Variants in RYR3 observed in about 807,000 individuals in gnomAD.
RYR3 encodes the protein brain ryanodine receptor-calcium release channel.
Under a neutral mutation model 584.3 loss-of-function variants are expected in RYR3, and 207 were observed. The ratio of observed to expected loss-of-function variants is 0.35; its 90% CI spans 0.32 to 0.40. The LOEUF is 0.40. Ranked by LOEUF, RYR3 falls within the 10% of genes least tolerant of loss-of-function variation. RYR3 has a pLI of 1.00. For missense variants in RYR3, 5,616 were observed against 6,089.2 expected (o/e 0.92, Z 2.59); for synonymous variants, 2,416 against 2,248.5 (o/e 1.07, Z -2.11).
chr15:33,406,060 C>T (rs977202290), intron 1 of RYR3, among the ~76,000 whole-genome samples: 1 of 152,164 alleles, frequency 6.6e-6, no homozygotes, highest in Non-Finnish European at 1.5e-5. Flanking sequence ...CCCAGGAGGA[C>T]ATGTTATTCT....
chr15:33,556,315 T>C (rs1176283165), intron 10 of RYR3, among the ~76,000 whole-genome samples: 1 of 152,202 alleles, frequency 6.6e-6, no homozygotes, highest in Non-Finnish European at 1.5e-5. Context: ...TCTCCAGCCA[T>C]GTTTCTTTTC....
In RYR3 at chr15:33,838,475, C is replaced by T; in HGVS notation, c.12495C>T (p.Leu4165=). 1 of 1,614,008 alleles carries T rather than the reference C, an allele frequency of 6.2e-7. No individual in the cohort carries two copies. Among genetic ancestry groups the T allele is most frequent in the Non-Finnish European group, 8.5e-7 (1 of 1,179,896 alleles). ...TGAAGAGAGCAACCCTGAAGAACCT[C>T]AGGAAGCAGTACAGGAACGTGAAAA... ...DFLKRATLKN[L]RKQYRNVKKM... is the part of the protein sequence containing the mutation. The change falls in exon 89 of 104, where the codon CTC becomes CTT. Residue 4165 remains leucine, a synonymous_variant. Transcript: ENST00000634891.
chr15:33,486,194 A>G (rs993701307), intron 2 of RYR3, among the ~76,000 whole-genome samples: 1 of 152,178 alleles, frequency 6.6e-6, no homozygotes, highest in African/African-American at 2.4e-5. Flanking sequence ...CACAATCTAG[A>G]TGGCTGAAAA....
At chr15:33,863,352 G>A (rs1477899175) in intron 102 of RYR3, among the ~76,000 whole-genome samples, 2 of 152,154 alleles carry the variant, frequency 1.3e-5, no homozygotes, top group East Asian at 1.9e-4. Context: ...AGCTGCTACT[G>A]TGGGCCAGGA....
Position 33,699,770 on chromosome 15 carries a change from C to A in RYR3, c.6316C>A (p.Gln2106Lys), listed in dbSNP as rs373719765. 1.4e-5 allele frequency: 22 copies of A among 1,613,790 alleles called. No individual in the cohort carries two copies. The highest frequency in any genetic ancestry group is 1.8e-5 in the Non-Finnish European group (21 of 1,179,804). The change falls in exon 41 of 104, where the codon CAA (glutamine) becomes AAA (lysine). Residue 2106 changes from glutamine (Q) to lysine (K), a missense_variant. Coordinates refer to ENST00000634891, the MANE Select transcript of RYR3 (RefSeq NM_001036.6). ...FLCYFCRISR[Q>K]NQKAMFEHLS... ...TTGCTATTTCTGTCGAATTAGCCGG[C>A]AAAATCAGAAGGCCATGTTTGAGCA...
At chr15:33,660,091 A>G in intron 33 of RYR3, 106 bp from the exon 34 acceptor site, 1 of 733,142 alleles carries the variant, frequency 1.4e-6, no homozygotes, top group Non-Finnish European at 2.3e-6. Context: ...ATCCCTGGAT[A>G]CATTTGTCCC....
chr15:33,521,175 T>G (rs2140964701), intron 3 of RYR3, among the ~76,000 whole-genome samples: 1 of 152,016 alleles, frequency 6.6e-6, no homozygotes, highest in Non-Finnish European at 1.5e-5. Context: ...CTCCAACCCA[T>G]CTGAGCCATC....
intron 12 of RYR3, among the ~76,000 whole-genome samples, chr15:33,578,407 C>T (rs1037635818): frequency 1.3e-5 from 2 of 152,138 alleles, no homozygotes; most frequent in Admixed American, 6.6e-5. Flanking sequence ...AACATATACA[C>T]CATGGAATAC....
chr15:33,369,181 C>T (rs1472533863), intron 1 of RYR3, among the ~76,000 whole-genome samples: 1 of 152,194 alleles, frequency 6.6e-6, no homozygotes, highest in African/African-American at 2.4e-5. Flanking sequence ...CCAAAGGCCA[C>T]ACACCTAGAA....
At chr15:33,609,432 G>A (rs1023054803) in intron 18 of RYR3, among the ~76,000 whole-genome samples, 1 of 152,156 alleles carries the variant, frequency 6.6e-6, no homozygotes, top group Non-Finnish European at 1.5e-5. Flanking sequence ...GAGGTGGGAG[G>A]ATCAGTTGAA....
chr15:33,645,712 C>T (rs2062064886), intron 28 of RYR3, among the ~76,000 whole-genome samples: 1 of 152,158 alleles, frequency 6.6e-6, no homozygotes, highest in Admixed American at 6.5e-5. Context: ...CTTGTATCCC[C>T]CCATTTCCCT....
chr15:33,368,261 C>T (rs1296006339), intron 1 of RYR3, among the ~76,000 whole-genome samples: 8 of 151,076 alleles, frequency 5.3e-5, no homozygotes, highest in African/African-American at 1.2e-4. Flanking sequence ...TATATAACAT[C>T]GGAGTAGATT....
intron 1 of RYR3, among the ~76,000 whole-genome samples, chr15:33,354,539 C>T (rs1973701902): frequency 6.6e-6 from 1 of 152,220 alleles, no homozygotes; most frequent in African/African-American, 2.4e-5. Context: ...AGTATCACTT[C>T]ATAATGCAGC....
intron 67 of RYR3, among the ~76,000 whole-genome samples, chr15:33,796,215 A>G (rs531856680): frequency 6.6e-5 from 10 of 152,060 alleles, no homozygotes; most frequent in African/African-American, 2.4e-4. Context: ...GCTCACTGCA[A>G]CCTACACCTC....
chr15:33,418,743 TTACACACTGGGGGTAGAGA>T (rs2044010853), intron 1 of RYR3, among the ~76,000 whole-genome samples: 1 of 152,004 alleles, frequency 6.6e-6, no homozygotes, highest in Non-Finnish European at 1.5e-5. Flanking sequence ...AGCCCTAACT[TTACACACTGGGGGTAGAGA>T]TAAAGCCAAG....
At chr15:33,461,880 G>A (rs2048066337) in intron 1 of RYR3, among the ~76,000 whole-genome samples, 1 of 152,118 alleles carries the variant, frequency 6.6e-6, no homozygotes, top group Non-Finnish European at 1.5e-5. Context: ...TTATCCACCT[G>A]GAATGTGACC....
chr15:33,551,392 C>A (rs896202431), intron 10 of RYR3, among the ~76,000 whole-genome samples: 3 of 152,276 alleles, frequency 2.0e-5, no homozygotes, highest in East Asian at 1.9e-4. Context: ...AGGTGTGAGG[C>A]TGACAGCTGA....
chr15:33,364,619 T>G (rs1279863179), intron 1 of RYR3, among the ~76,000 whole-genome samples: 1 of 152,178 alleles, frequency 6.6e-6, no homozygotes, highest in Admixed American at 6.5e-5. Context: ...TACCAGACAA[T>G]GCATTGTCAG....
At chr15:33,701,476 C>A (rs901083030) in intron 42 of RYR3, among the ~76,000 whole-genome samples, 10 of 152,136 alleles carry the variant, frequency 6.6e-5, no homozygotes, top group African/African-American at 2.4e-4. Context: ...GTAACTGAGA[C>A]AAACTGAGCT....
Sources: gnomAD v4.1 joint callset for allele counts (sites outside exome capture counted in the v4.1 genomes callset) on GRCh38, gnomAD v4.1.1 for gene constraint, MANE v1.5 for transcripts, NCBI Gene and HGNC (gene_info 2026-07-23, HGNC 2026-07-21) for gene names.